Variants in PDCD1LG2 observed in about 807,000 individuals in gnomAD.
PDCD1LG2 encodes the protein B7 dendritic cell molecule.
In PDCD1LG2, 32 loss-of-function variants were observed where a neutral mutation model predicts 28.2. The observed-to-expected ratio is 1.13, with a 90% CI of 0.86 to 1.52. The LOEUF (loss-of-function observed/expected upper bound fraction) is 1.52, where lower values mean the gene tolerates loss of function less well. Among genes scored for constraint, PDCD1LG2 ranks in the 40% most tolerant of loss-of-function variants. The pLI is 0.00. For missense variants in PDCD1LG2, 385 were observed against 323.8 expected (o/e 1.19, Z -1.45); for synonymous variants, 116 against 120.2 (o/e 0.97, Z 0.23).
intron 4 of PDCD1LG2, among the ~76,000 whole-genome samples, chr9:5,552,417 C>A (rs1372004379): frequency 6.6e-6 from 1 of 152,086 alleles, no homozygotes; most frequent in African/African-American, 2.4e-5. Flanking sequence ...TCAGCAGAGC[C>A]TAAATGTGTG....
rs1816759017 is a variant in PDCD1LG2, at chr9:5,571,027, C to G, written c.*1068C>G. ...TGTTCTTTATACTGGAGCCATGAAG[C>G]TCAGAGCATTAGCTGACCCTTGAAC... is the stretch of plus-strand genomic sequence containing the variant. On this transcript the variant is annotated 3_prime_UTR_variant, in exon 7 of 7. Transcript: ENST00000397747. The G allele has an allele frequency of 4.3e-6, 1 of 232,634 alleles. No individual in the cohort carries two copies. Among genetic ancestry groups the G allele is most frequent in the East Asian group, 6.1e-5 (1 of 16,488 alleles). The allele number at this position is 232,634 out of a possible 1,614,324, so 14.4% of individuals were successfully genotyped here.
Position 5,534,732 on chromosome 9 carries a change from G to GC in PDCD1LG2, c.56-13_56-12insC. On this transcript the variant is annotated splice_polypyrimidine_tract_variant and intron_variant, in intron 2 of 6. Transcript: ENST00000397747. ...AAGGCAGACAATGACAAAATATCTT[G>GC]TTTTCTTTTCAGCTTTATTCACAGT... is the stretch of plus-strand genomic sequence containing the variant. The GC allele has an allele frequency of 6.3e-7, 1 of 1,577,348 alleles. No homozygotes were observed. The highest frequency in any genetic ancestry group is 8.6e-7 in the Non-Finnish European group (1 of 1,158,396).
intron 2 of PDCD1LG2, among the ~76,000 whole-genome samples, chr9:5,528,152 G>C (rs561734538): frequency 1.3e-5 from 2 of 150,296 alleles, no homozygotes; most frequent in East Asian, 3.9e-4. Flanking sequence ...CATTCTAATA[G>C]GTGTGTAGAA....
At chr9:5,530,013 T>C (rs1820452441) in intron 2 of PDCD1LG2, among the ~76,000 whole-genome samples, 1 of 139,882 alleles carries the variant, frequency 7.1e-6, no homozygotes, top group South Asian at 2.6e-4. Context: ...GTACATTACG[T>C]GGCAAGTCTG....
chr9:5,533,022 G>A (rs1012090500), intron 2 of PDCD1LG2, among the ~76,000 whole-genome samples: 11 of 152,188 alleles, frequency 7.2e-5, no homozygotes, highest in Admixed American at 2.0e-4. Flanking sequence ...AGGCTCACCT[G>A]TCACTATATC....
At chr9:5,519,429 A>G (rs1820232593) in intron 1 of PDCD1LG2, among the ~76,000 whole-genome samples, 2 of 152,210 alleles carry the variant, frequency 1.3e-5, no homozygotes, top group African/African-American at 2.4e-5. Context: ...GCAAGGCCCC[A>G]GGTGTCAAAG....
rs148707127 is a variant in PDCD1LG2 at position 5,565,412 on chromosome 9, C to T, written c.816+2201C>T. On this transcript the variant is annotated intron_variant, in intron 6 of 6. Coordinates refer to ENST00000397747, the MANE Select transcript of PDCD1LG2 (RefSeq NM_025239.4). Reference sequence around the variant, plus strand: ...TTGCCCAGGATGGTCTCAAACTCCTCGGCTCAAGCAATCCTCCTGCCTTGG... The same window carrying T: ...TTGCCCAGGATGGTCTCAAACTCCTTGGCTCAAGCAATCCTCCTGCCTTGG... Among the ~76,000 whole-genome samples, 46 of 152,236 alleles carry T rather than the reference C, an allele frequency of 3.0e-4. No individual in the cohort carries two copies. In the East Asian group the frequency reaches 6.8e-3, roughly 22 times the overall value.
chr9:5,526,597 C>T (rs1820384178), intron 2 of PDCD1LG2, among the ~76,000 whole-genome samples: 1 of 152,092 alleles, frequency 6.6e-6, no homozygotes, highest in Admixed American at 6.5e-5. Context: ...ACCACCCGGT[C>T]TGGCTAATTT....
At chr9:5,522,964 G>A (rs1820305924) in intron 2 of PDCD1LG2, among the ~76,000 whole-genome samples, 1 of 152,142 alleles carries the variant, frequency 6.6e-6, no homozygotes, top group Non-Finnish European at 1.5e-5. Context: ...CTTTCTGGCA[G>A]GGAGAGTAAG....
intron 3 of PDCD1LG2, among the ~76,000 whole-genome samples, chr9:5,548,144 G>C (rs928977097): frequency 2.6e-5 from 4 of 152,024 alleles, no homozygotes; most frequent in Non-Finnish European, 5.9e-5. Flanking sequence ...CCTCTACTCT[G>C]AGACTGAGCA....
At chr9:5,560,029 A>T (rs963451098) in intron 5 of PDCD1LG2, among the ~76,000 whole-genome samples, 1 of 152,206 alleles carries the variant, frequency 6.6e-6, no homozygotes. Flanking sequence ...AGCTAAGCTT[A>T]TACTTCATCA....
At chr9:5,559,195 G>A (rs1309444009) in intron 5 of PDCD1LG2, among the ~76,000 whole-genome samples, 7 of 152,222 alleles carry the variant, frequency 4.6e-5, no homozygotes, top group Non-Finnish European at 7.3e-5. Context: ...GAGTGAGTGA[G>A]GATATCAGTA....
At chr9:5,558,913 G>A (rs1035305247) in intron 5 of PDCD1LG2, among the ~76,000 whole-genome samples, 5 of 152,192 alleles carry the variant, frequency 3.3e-5, no homozygotes, top group African/African-American at 4.8e-5. Context: ...GGTAAAGGAG[G>A]AGGTATGTCC....
chr9:5,526,427 C>T (rs1820380859), intron 2 of PDCD1LG2, among the ~76,000 whole-genome samples: 2 of 152,074 alleles, frequency 1.3e-5, no homozygotes, highest in African/African-American at 4.8e-5. Flanking sequence ...TTTATTTTTA[C>T]CTTTTTTAAA....
intron 1 of PDCD1LG2, among the ~76,000 whole-genome samples, chr9:5,514,280 T>C (rs1820114408): frequency 6.6e-6 from 1 of 152,226 alleles, no homozygotes. Context: ...AGTAAATGTT[T>C]TGAATAAAAG....
At chr9:5,535,979 T>C (rs1417970241) in intron 3 of PDCD1LG2, among the ~76,000 whole-genome samples, 3 of 152,202 alleles carry the variant, frequency 2.0e-5, no homozygotes, top group Non-Finnish European at 4.4e-5. Context: ...ATGATGCCAA[T>C]ATTTCTCTGG....
At chr9:5,552,659 A>T (rs1816359866) in intron 4 of PDCD1LG2, among the ~76,000 whole-genome samples, 1 of 152,100 alleles carries the variant, frequency 6.6e-6, no homozygotes, top group Non-Finnish European at 1.5e-5. Flanking sequence ...ATTAAAATTA[A>T]TTTTTTCATG....
intron 2 of PDCD1LG2, among the ~76,000 whole-genome samples, chr9:5,530,092 C>T (rs1820453555): frequency 6.6e-6 from 1 of 150,592 alleles, no homozygotes; most frequent in Non-Finnish European, 1.5e-5. Context: ...AGGAAGCTAT[C>T]TTGGGAGGTA....
At chr9:5,548,929 C>G (rs1385222784) in intron 3 of PDCD1LG2, among the ~76,000 whole-genome samples, 1 of 152,046 alleles carries the variant, frequency 6.6e-6, no homozygotes, top group Non-Finnish European at 1.5e-5. Flanking sequence ...TCTTTCTGGC[C>G]TCCAATTGTG....
Sources: gnomAD v4.1 joint callset for allele counts (sites outside exome capture counted in the v4.1 genomes callset) on GRCh38, gnomAD v4.1.1 for gene constraint, MANE v1.5 for transcripts, NCBI Gene and HGNC (gene_info 2026-07-23, HGNC 2026-07-21) for gene names.